MTREX: variants seen among roughly 807,000 people sequenced by gnomAD.
MTREX encodes the protein Mtr4 exosome RNA helicase, also known as exosome RNA helicase MTR4.
A neutral mutation model predicts 135.4 loss-of-function variants in MTREX; 76 were observed. That is an observed-to-expected ratio of 0.56 (90% CI 0.47 to 0.68). The LOEUF (loss-of-function observed/expected upper bound fraction) is 0.68. Among genes scored for constraint, MTREX ranks in the 30% least tolerant of loss-of-function variants. MTREX has a pLI of 0.00. For missense variants in MTREX, 920 were observed against 1,262.1 expected, an observed-to-expected ratio of 0.73 and a Z score of 4.11; for synonymous variants, 404 against 401.6, an observed-to-expected ratio of 1.01 and a Z score of -0.07.
In MTREX at chr5:55,345,207, A is replaced by C; in HGVS notation, c.1108+11A>C. ...AAGGAGGAACAAAAGGTAATTTGGA[A>C]CTTTGCTTTGAGAGAATTTTACATG... On this transcript the variant is annotated intron_variant, in intron 10 of 26. Transcript: ENST00000230640. 6.4e-7 allele frequency: 1 copy of C among 1,553,424 alleles called. No individual in the cohort carries two copies. Among genetic ancestry groups the C allele is most frequent in the South Asian group, 1.1e-5 (1 of 88,982 alleles).
intron 10 of MTREX, among the ~76,000 whole-genome samples, 182 bp downstream of exon 10, chr5:55,345,378 T>C (rs1485044054): frequency 1.3e-5 from 2 of 152,182 alleles, no homozygotes; most frequent in African/African-American, 2.4e-5. Context: ...TACTATAAAA[T>C]TCACTCATCT....
intron 21 of MTREX, among the ~76,000 whole-genome samples, chr5:55,400,748 C>T (rs761980029): frequency 2.0e-5 from 3 of 152,176 alleles, no homozygotes; most frequent in Non-Finnish European, 4.4e-5. Flanking sequence ...TTGCAACCAT[C>T]ACCACTATGT....
chr5:55,425,261 G>A lies in MTREX; in HGVS notation c.*489G>A, dbSNP rs201703457. The stretch of plus-strand genomic sequence containing the variant: ...CCCAGTTGTTGGTGTTTCATGCAGA[G>A]TTGTATGAGAGTCCTCCTCTTTTCT... On this transcript the variant is annotated 3_prime_UTR_variant, in exon 27 of 27. Transcript: ENST00000230640. 2.2e-5 allele frequency: 35 copies of A among 1,613,180 alleles called. No individual in the cohort carries two copies. Among genetic ancestry groups the A allele is most frequent in the Non-Finnish European group, 3.0e-5 (35 of 1,179,268 alleles).
At chr5:55,387,703 A>T (rs1291746313) in intron 18 of MTREX, among the ~76,000 whole-genome samples, 2 of 152,120 alleles carry the variant, frequency 1.3e-5, no homozygotes, top group Non-Finnish European at 2.9e-5. Context: ...TAGTTTCTTA[A>T]CATTATTAGA....
intron 23 of MTREX, among the ~76,000 whole-genome samples, chr5:55,413,087 A>G (rs1312970208): frequency 6.6e-6 from 1 of 152,134 alleles, no homozygotes; most frequent in Non-Finnish European, 1.5e-5. Context: ...CATGCCTGTA[A>G]TCCCAGCACT....
At chr5:55,415,318 T>G (rs1477846459) in intron 24 of MTREX, among the ~76,000 whole-genome samples, 1 of 152,048 alleles carries the variant, frequency 6.6e-6, no homozygotes, top group Non-Finnish European at 1.5e-5. Context: ...TTTACCTAGA[T>G]AAGAAACCTG....
intron 26 of MTREX, 173 bp from the exon 27 acceptor site, chr5:55,424,547 A>T: frequency 1.7e-6 from 1 of 571,650 alleles, no homozygotes; most frequent in Non-Finnish European, 3.2e-6. Context: ...TATGTTTTCC[A>T]CCTCACAGAG....
In MTREX at chr5:55,425,402, A is replaced by G; in HGVS notation, c.*630A>G. 7.3e-7 allele frequency: 1 copy of G among 1,377,144 alleles called. No individual in the cohort carries two copies. The highest frequency in any genetic ancestry group is 1.0e-6 in the Non-Finnish European group (1 of 999,602). 85.3% of individuals were successfully genotyped at this position (1,377,144 alleles called of 1,614,324 possible). Reference sequence around the variant, plus strand: ...AAAACTACATACAAAGTTGTGATCAACAGCATCCTAAGATAAATATAAACA... The same window carrying G: ...AAAACTACATACAAAGTTGTGATCAGCAGCATCCTAAGATAAATATAAACA... On this transcript the variant is annotated 3_prime_UTR_variant, in exon 27 of 27. Coordinates refer to ENST00000230640, the MANE Select transcript of MTREX (RefSeq NM_015360.5).
At position 55,346,062 on chromosome 5, in the gene MTREX, A is replaced by G. The variant is rs1430663164; in HGVS notation, c.1108+866A>G. Reference sequence around the variant, plus strand: ...ACCACATTTTGTTTCTCCATTCATCATTGGATGGACTTTTGGGTTTTTCTG... The same window carrying G: ...ACCACATTTTGTTTCTCCATTCATCGTTGGATGGACTTTTGGGTTTTTCTG... On this transcript the variant is annotated intron_variant, in intron 10 of 26. Coordinates refer to ENST00000230640, the MANE Select transcript of MTREX (RefSeq NM_015360.5). Among the ~76,000 whole-genome samples the G allele has an allele frequency of 1.3e-5, 2 of 152,216 alleles. 1 individual carries two copies. The highest frequency in any genetic ancestry group is 1.3e-4 in the Admixed American group (2 of 15,286).
intron 8 of MTREX, 149 bp from the exon 9 acceptor site, chr5:55,344,373 G>T: frequency 1.7e-6 from 1 of 583,286 alleles, no homozygotes; most frequent in Non-Finnish European, 3.0e-6. Flanking sequence ...TTTTTCTCTT[G>T]CCTGGGTTTT....
intron 1 of MTREX, among the ~76,000 whole-genome samples, chr5:55,321,980 A>C (rs2112030979): frequency 6.6e-6 from 1 of 152,330 alleles, no homozygotes; most frequent in South Asian, 2.1e-4. Context: ...AAATAGTAGT[A>C]TCATGCCTTT....
At chr5:55,423,814 A>G (rs1751097106) in intron 26 of MTREX, 1 of 152,250 alleles carries the variant, frequency 6.6e-6, no homozygotes, top group East Asian at 1.9e-4. Context: ...GAATATAACC[A>G]CATTGTTGCT....
chr5:55,425,198 G>C lies in MTREX; in HGVS notation c.*426G>C, dbSNP rs1751143227. ...CAGGCCAGCTTCACCTGGGCACCCT[G>C]CTGCCTTTCAAGGCTGGTGATTGCT... On this transcript the variant is annotated 3_prime_UTR_variant, in exon 27 of 27. Transcript: ENST00000230640. The C allele has an allele frequency of 2.5e-6, 4 of 1,611,530 alleles. No individual in the cohort carries two copies. The highest frequency in any genetic ancestry group is 3.4e-6 in the Non-Finnish European group (4 of 1,179,352).
intron 14 of MTREX, among the ~76,000 whole-genome samples, chr5:55,354,151 G>A (rs1179954976): frequency 1.3e-5 from 2 of 152,144 alleles, no homozygotes; most frequent in African/African-American, 4.8e-5. Flanking sequence ...TGCTGAAGTA[G>A]AAACAGAGCA....
chr5:55,334,572 A>T (rs112907194), intron 5 of MTREX, among the ~76,000 whole-genome samples: 1,579 of 152,226 alleles, frequency 0.01, 26 homozygotes, highest in African/African-American at 0.035. Context: ...TGATTTTTTA[A>T]GTCTATGTGA....
chr5:55,407,584 T>G (rs1750826740), intron 22 of MTREX, among the ~76,000 whole-genome samples: 1 of 152,154 alleles, frequency 6.6e-6, no homozygotes, highest in Non-Finnish European at 1.5e-5. Context: ...TTGCAAAAAC[T>G]GGGGCATCAT....
intron 15 of MTREX, among the ~76,000 whole-genome samples, chr5:55,363,425 TC>T (rs1469098049): frequency 1.3e-5 from 2 of 152,066 alleles, no homozygotes; most frequent in African/African-American, 4.8e-5. Context: ...AATCTTAGTA[TC>T]TTTTCAGTAA....
intron 12 of MTREX, among the ~76,000 whole-genome samples, chr5:55,350,140 C>T (rs1301348638): frequency 6.6e-6 from 1 of 151,752 alleles, no homozygotes; most frequent in Non-Finnish European, 1.5e-5. Flanking sequence ...ATCTGATGTA[C>T]ATTCTGGACA....
chr5:55,323,144 G>A (rs571079550), intron 2 of MTREX, among the ~76,000 whole-genome samples: 1 of 152,102 alleles, frequency 6.6e-6, no homozygotes, highest in Admixed American at 6.5e-5. Context: ...TCCTATAAAT[G>A]GTGATAGATG....
Sources: gnomAD v4.1 joint callset for allele counts (sites outside exome capture counted in the v4.1 genomes callset) on GRCh38, gnomAD v4.1.1 for gene constraint, MANE v1.5 for transcripts, NCBI Gene and HGNC (gene_info 2026-07-23, HGNC 2026-07-21) for gene names.